LSM11: variants seen among roughly 807,000 people sequenced by gnomAD.
The protein encoded by LSM11 is U7 snRNA-associated Sm-like protein LSm11.
In LSM11, 14 loss-of-function variants were observed where a neutral mutation model predicts 28.1. That is an observed-to-expected ratio of 0.50 (90% CI 0.33 to 0.78). The LOEUF (loss-of-function observed/expected upper bound fraction) is 0.78. Among genes scored for constraint, LSM11 ranks in the 30% least tolerant of loss-of-function variants. The probability of loss-of-function intolerance (pLI) is 0.02; values close to 1 mark genes in which losing one functional copy is unlikely to be tolerated. For synonymous variants in LSM11, 207 were observed against 214.2 expected (o/e 0.97, Z 0.30); for missense variants, 495 against 510.6 (o/e 0.97, Z 0.30).
At chr5:157,748,315 A>T (rs1227690978) in intron 1 of LSM11, among the ~76,000 whole-genome samples, 9 of 152,166 alleles carry the variant, frequency 5.9e-5, no homozygotes, top group African/African-American at 1.7e-4. Context: ...ATATATGTAG[A>T]TACAGTTTTG....
At chr5:157,751,279 G>T (rs1234281813) in intron 1 of LSM11, 111 bp from the exon 2 acceptor site, 32 of 1,221,664 alleles carry the variant, frequency 2.6e-5, no homozygotes, top group Non-Finnish European at 3.2e-5. Context: ...TAGTGAGATT[G>T]TCACTCTACC....
chr5:157,751,557 A>G (rs751686218), intron 2 of LSM11, 28 bp downstream of exon 2: 1 of 1,594,366 alleles, frequency 6.3e-7, no homozygotes, highest in East Asian at 2.3e-5. Context: ...AAGGGGCTGG[A>G]GAACCTCCTA....
intron 2 of LSM11, 63 bp downstream of exon 2, chr5:157,751,592 A>G (rs1300245633): frequency 1.3e-6 from 2 of 1,534,170 alleles, no homozygotes; most frequent in Non-Finnish European, 1.8e-6. Context: ...TATAATATTT[A>G]AAGGACCTGA....
Position 157,755,666 on chromosome 5 carries a change from A to T in LSM11, c.*402A>T. On this transcript the variant is annotated 3_prime_UTR_variant, in exon 4 of 4. Coordinates refer to ENST00000286307, the MANE Select transcript of LSM11 (RefSeq NM_173491.4). ...AAGCTAGTGCCCTGAGTACTCATGAATTCGATTCCAAGAGTAGTGGTGTAA... is the reference window on the plus strand; with the variant it reads ...AAGCTAGTGCCCTGAGTACTCATGATTTCGATTCCAAGAGTAGTGGTGTAA... 2.5e-6 allele frequency: 1 copy of T among 407,116 alleles called. No individual in the cohort carries two copies. Among genetic ancestry groups the T allele is most frequent in the East Asian group, 3.5e-5 (1 of 28,366 alleles). 25.2% of individuals were successfully genotyped at this position (407,116 alleles called of 1,614,324 possible). A position where few individuals can be genotyped will look rare whatever the true frequency, so the allele number is the denominator to read the frequency against.
At chr5:157,751,281 C>A (rs1761227466) in intron 1 of LSM11, 109 bp from the exon 2 acceptor site, 1 of 1,238,162 alleles carries the variant, frequency 8.1e-7, no homozygotes, top group Non-Finnish European at 1.1e-6. Context: ...GTGAGATTGT[C>A]ACTCTACCAT....
rs373103719 is a variant in LSM11 at position 157,754,053 on chromosome 5, C to T, written c.638C>T (p.Ala213Val). The change falls in exon 3 of 4, where the codon GCA becomes GTA. Residue 213 changes from alanine to valine, a missense_variant. By Grantham distance (64) the Ala-to-Val change is moderately conservative. Coordinates refer to ENST00000286307, the MANE Select transcript of LSM11 (RefSeq NM_173491.4). ...TACCGAAAACCTGTCCTAGGCAAAG[C>T]ATATGAACGGGATTCTTCACTGACT... ...ETYRKPVLGK[A>V]YERDSSLTLT... The T allele has an allele frequency of 6.4e-7, 1 of 1,574,324 alleles. No individual in the cohort carries two copies. Among genetic ancestry groups the T allele is most frequent in the Non-Finnish European group, 8.6e-7 (1 of 1,160,800 alleles).
intron 1 of LSM11, among the ~76,000 whole-genome samples, chr5:157,749,118 AAATT>A (rs2113071074): frequency 6.6e-6 from 1 of 152,338 alleles, no homozygotes; most frequent in African/African-American, 2.4e-5. Context: ...TGGAAGAAAA[AAATT>A]AAAGGTACAC....
chr5:157,744,282 C>A, intron 1 of LSM11, 84 bp downstream of exon 1: 1 of 1,037,690 alleles, frequency 9.6e-7, no homozygotes, highest in Non-Finnish European at 1.2e-6. Flanking sequence ...GCGGCGGTGG[C>A]CGGGCGCGGG....
At chr5:157,751,093 TTAAGTGA>T (rs1418745360) in intron 1 of LSM11, among the ~76,000 whole-genome samples, 1 of 152,086 alleles carries the variant, frequency 6.6e-6, no homozygotes, top group Non-Finnish European at 1.5e-5. Flanking sequence ...ACCCCAAAAG[TTAAGTGA>T]TAGTGCATGT....
chr5:157,753,957 T>C, intron 2 of LSM11, 47 bp from the exon 3 acceptor site: 1 of 1,287,120 alleles, frequency 7.8e-7, no homozygotes, highest in Non-Finnish European at 1.0e-6. Context: ...ATACAAATAA[T>C]AATTTTAATT....
intron 2 of LSM11, among the ~76,000 whole-genome samples, chr5:157,753,200 G>A (rs62388987): frequency 0.17 from 25,905 of 152,100 alleles, 2,381 homozygotes; most frequent in South Asian, 0.28. Context: ...TAACCATTAG[G>A]GAATTTGAAT....
At chr5:157,751,216 C>T (rs1761226171) in intron 1 of LSM11, among the ~76,000 whole-genome samples, 174 bp from the exon 2 acceptor site, 1 of 152,136 alleles carries the variant, frequency 6.6e-6, no homozygotes, top group Admixed American at 6.5e-5. Flanking sequence ...AGTCTTGTGT[C>T]AGTGTGTGTT....
rs957637027 is a variant in LSM11, at chr5:157,758,605, G to A, written c.*3341G>A. 1.3e-5 allele frequency: 2 copies of A among 152,128 alleles called. No individual in the cohort carries two copies. The highest frequency in any genetic ancestry group is 2.4e-5 in the African/African-American group (1 of 41,404). 9.4% of individuals were successfully genotyped at this position (152,128 alleles called of 1,614,324 possible). A position where few individuals can be genotyped will look rare whatever the true frequency, so the allele number is the denominator to read the frequency against. ...GGGAACTCCCACTAGCTCACCTGAG[G>A]GGGGCTCGATGCAGCTGAAATACTG... is the stretch of plus-strand genomic sequence containing the variant. On this transcript the variant is annotated 3_prime_UTR_variant, in exon 4 of 4. Coordinates refer to ENST00000286307, the MANE Select transcript of LSM11 (RefSeq NM_173491.4).
chr5:157,758,457 C>G lies in LSM11; in HGVS notation c.*3193C>G, dbSNP rs899077767. ...GTTTAAAAGAAAGAAAAAGTAGGTC[C>G]CAATAATATATGTGCTATTCAAAAA... On this transcript the variant is annotated 3_prime_UTR_variant, in exon 4 of 4. Coordinates refer to ENST00000286307, the MANE Select transcript of LSM11 (RefSeq NM_173491.4). 5 of 152,048 alleles carry G rather than the reference C, an allele frequency of 3.3e-5. No individual in the cohort carries two copies. The highest frequency in any genetic ancestry group is 1.2e-4 in the African/African-American group (5 of 41,384). 9.4% of individuals were successfully genotyped at this position (152,048 alleles called of 1,614,324 possible).
chr5:157,748,441 A>G (rs73309097), intron 1 of LSM11, among the ~76,000 whole-genome samples: 5,530 of 152,264 alleles, frequency 0.036, 326 homozygotes, highest in African/African-American at 0.13. Context: ...AAGATTTCCA[A>G]TTTATCTGTT....
rs898075087 is a variant in LSM11 at position 157,759,434 on chromosome 5, T to C, written c.*4170T>C. 1 of 152,224 alleles carries C rather than the reference T, an allele frequency of 6.6e-6. No individual in the cohort carries two copies. The highest frequency in any genetic ancestry group is 2.4e-5 in the African/African-American group (1 of 41,458). 9.4% of individuals were successfully genotyped at this position (152,224 alleles called of 1,614,324 possible). ...GGCAAAATCATGAAATAGAATCATT[T>C]CTATAAATTGCTTCTTTAAGTTTTC... On this transcript the variant is annotated 3_prime_UTR_variant, in exon 4 of 4. Transcript: ENST00000286307.
At chr5:157,750,746 C>T (rs553304532) in intron 1 of LSM11, among the ~76,000 whole-genome samples, 2 of 152,224 alleles carry the variant, frequency 1.3e-5, no homozygotes, top group Non-Finnish European at 2.9e-5. Flanking sequence ...AGAAGGATCT[C>T]GCTGTTAATG....
intron 2 of LSM11, among the ~76,000 whole-genome samples, chr5:157,752,162 CT>C (rs3045954): frequency 1.9e-3 from 271 of 140,004 alleles, no homozygotes; most frequent in Middle Eastern, 3.6e-3. Flanking sequence ...TGCATGATGT[CT>C]TTTTTTTTTT....
At chr5:157,754,178 G>C (rs1268272424) in intron 3 of LSM11, 91 bp downstream of exon 3, 1 of 825,092 alleles carries the variant, frequency 1.2e-6, no homozygotes, top group Non-Finnish European at 1.8e-6. Context: ...GGATTTCCTA[G>C]AGGGAAATCT....
Sources: allele counts gnomAD v4.1 joint callset (sites outside exome capture counted in the v4.1 genomes callset), GRCh38; gene constraint gnomAD v4.1.1; transcripts MANE v1.5; gene names NCBI Gene and HGNC (gene_info 2026-07-23, HGNC 2026-07-21).